PDLIM5: variants seen among roughly 807,000 people sequenced by gnomAD.
PDLIM5 encodes PDZ and LIM domain protein 5.
A neutral mutation model predicts 64.2 loss-of-function variants in PDLIM5; 34 were observed. The observed-to-expected ratio is 0.53, with a 90% confidence interval of 0.40 to 0.71. The LOEUF is 0.71. Among genes scored for constraint, PDLIM5 ranks in the 30% least tolerant of loss-of-function variants. The pLI, the probability that PDLIM5 is intolerant of heterozygous loss-of-function variation, is 0.00. For synonymous variants in PDLIM5, 253 were observed against 269.1 expected (o/e 0.94, Z 0.59); for missense variants, 683 against 733.6 (o/e 0.93, Z 0.80).
chr4:94,587,899 A>C, intron 7 of PDLIM5: 1 of 907,374 alleles, frequency 1.1e-6, no homozygotes, highest in Non-Finnish European at 1.3e-6. Context: ...ATAAATTACA[A>C]TATGAATGAT....
chr4:94,505,551 C>T (rs1169279137), intron 2 of PDLIM5, among the ~76,000 whole-genome samples: 1 of 152,118 alleles, frequency 6.6e-6, no homozygotes, highest in African/African-American at 2.4e-5. Context: ...CATGAGCCAC[C>T]ACGCATGGCT....
At chr4:94,583,742 TTTG>T (rs1735932691) in intron 5 of PDLIM5, among the ~76,000 whole-genome samples, 1 of 152,182 alleles carries the variant, frequency 6.6e-6, no homozygotes, top group Non-Finnish European at 1.5e-5. Flanking sequence ...ATGTTACTGA[TTTG>T]TTATTTTGTA....
At chr4:94,638,762 C>A (rs1026128171) in intron 8 of PDLIM5, among the ~76,000 whole-genome samples, 46 of 152,172 alleles carry the variant, frequency 3.0e-4, no homozygotes, top group African/African-American at 1.1e-3. Flanking sequence ...AAGGAGCAGA[C>A]CATCTGTTGG....
intron 7 of PDLIM5, chr4:94,610,390 T>G: frequency 1.4e-6 from 1 of 731,490 alleles, no homozygotes; most frequent in Non-Finnish European, 2.0e-6. Flanking sequence ...ACATGCCCCT[T>G]TGAAGCAATC....
At chr4:94,541,725 C>T (rs1258248001) in intron 3 of PDLIM5, among the ~76,000 whole-genome samples, 1 of 152,236 alleles carries the variant, frequency 6.6e-6, no homozygotes, top group Non-Finnish European at 1.5e-5. Context: ...TATACATCTT[C>T]TCTGCCCAGC....
chr4:94,612,063 A>C (rs1445559991), intron 7 of PDLIM5, among the ~76,000 whole-genome samples: 1 of 152,050 alleles, frequency 6.6e-6, no homozygotes, highest in African/African-American at 2.4e-5. Context: ...TAAAGATACA[A>C]AAAAATTAGC....
At chr4:94,659,285 G>C (rs1742462289) in intron 11 of PDLIM5, among the ~76,000 whole-genome samples, 1 of 151,932 alleles carries the variant, frequency 6.6e-6, no homozygotes, top group Non-Finnish European at 1.5e-5. Flanking sequence ...ATCTAAATAG[G>C]AAATTCTGGC....
intron 2 of PDLIM5, among the ~76,000 whole-genome samples, chr4:94,494,410 A>T: frequency 1.1e-5 from 1 of 92,524 alleles, no homozygotes; most frequent in Admixed American, 1.4e-4. Context: ...TATCCTGAGC[A>T]TTCACTAATT....
At chr4:94,624,190 C>T (rs1361916966) in intron 8 of PDLIM5, among the ~76,000 whole-genome samples, 7 of 151,260 alleles carry the variant, frequency 4.6e-5, no homozygotes, top group East Asian at 3.9e-4. Flanking sequence ...TGGTGGTGCA[C>T]GCCTATGGTC....
chr4:94,531,059 AT>A (rs148764412), intron 3 of PDLIM5, among the ~76,000 whole-genome samples: 5,670 of 151,542 alleles, frequency 0.037, 358 homozygotes, highest in African/African-American at 0.13. Context: ...ATTTAGTTAG[AT>A]TTTTTTTCTT....
At chr4:94,530,676 G>T (rs1458459932) in intron 3 of PDLIM5, among the ~76,000 whole-genome samples, 6 of 152,088 alleles carry the variant, frequency 3.9e-5, no homozygotes, top group African/African-American at 1.4e-4. Context: ...GAAAGACCTA[G>T]AAGAATTGAG....
intron 3 of PDLIM5, among the ~76,000 whole-genome samples, chr4:94,567,671 TA>T (rs1393056560): frequency 6.6e-6 from 1 of 152,140 alleles, no homozygotes; most frequent in Non-Finnish European, 1.5e-5. Flanking sequence ...TAGGATTTTT[TA>T]AAAAAATAAT....
intron 8 of PDLIM5, among the ~76,000 whole-genome samples, chr4:94,619,605 A>C (rs375690318): frequency 1.3e-5 from 2 of 150,970 alleles, no homozygotes; most frequent in East Asian, 2.0e-4. Flanking sequence ...ACGCCACTGC[A>C]CTCCAGCCTG....
At chr4:94,533,351 A>G (rs1406657249) in intron 3 of PDLIM5, among the ~76,000 whole-genome samples, 2 of 152,210 alleles carry the variant, frequency 1.3e-5, no homozygotes, top group Non-Finnish European at 2.9e-5. Flanking sequence ...ACTTACTTCA[A>G]TCTATACTCC....
chr4:94,556,659 T>C (rs1349104969), intron 3 of PDLIM5, among the ~76,000 whole-genome samples: 2 of 152,228 alleles, frequency 1.3e-5, no homozygotes, highest in East Asian at 1.9e-4. Flanking sequence ...ATGGCAGTGA[T>C]GATGGGCATT....
chr4:94,630,024 G>A (rs756982652), intron 8 of PDLIM5, among the ~76,000 whole-genome samples: 5 of 152,140 alleles, frequency 3.3e-5, no homozygotes, highest in Non-Finnish European at 7.4e-5. Flanking sequence ...TGTTTGAGAT[G>A]GCTGGGGAAG....
At chr4:94,629,305 C>T (rs1355227839) in intron 8 of PDLIM5, among the ~76,000 whole-genome samples, 3 of 151,620 alleles carry the variant, frequency 2.0e-5, no homozygotes, top group Non-Finnish European at 4.4e-5. Context: ...GCCGAGATCG[C>T]GCCACTGCAC....
intron 8 of PDLIM5, among the ~76,000 whole-genome samples, chr4:94,623,333 G>A (rs1022484453): frequency 1.3e-5 from 2 of 152,126 alleles, no homozygotes; most frequent in Non-Finnish European, 1.5e-5. Flanking sequence ...ATCATTCCTT[G>A]GCACACACTT....
Position 94,492,972 on chromosome 4 carries a change from C to A in PDLIM5, c.97-30752C>A, listed in dbSNP as rs572970523. Reference sequence around the variant, plus strand: ...AGACTATTTTCCAAACTGGGTGCACCATTTTAACTTCCCACCAGCAGTGTA... The same window carrying A: ...AGACTATTTTCCAAACTGGGTGCACAATTTTAACTTCCCACCAGCAGTGTA... On this transcript the variant is annotated intron_variant, in intron 2 of 12. Coordinates refer to ENST00000317968, the MANE Select transcript of PDLIM5 (RefSeq NM_006457.5). Among the ~76,000 whole-genome samples the A allele has an allele frequency of 2.6e-5, 4 of 152,208 alleles. No homozygotes were observed. In the South Asian group the frequency reaches 8.3e-4, roughly 32 times the overall value.
Sources: gnomAD v4.1 joint callset for allele counts (sites outside exome capture counted in the v4.1 genomes callset) on GRCh38, gnomAD v4.1.1 for gene constraint, MANE v1.5 for transcripts, NCBI Gene and HGNC (gene_info 2026-07-23, HGNC 2026-07-21) for gene names.